Variants in MAST4 observed in about 807,000 individuals in gnomAD.
The protein encoded by MAST4 is microtubule associated serine/threonine kinase family member 4.
Under a neutral mutation model 162.7 loss-of-function variants are expected in MAST4, and 89 were observed. That is an observed-to-expected ratio of 0.55 (90% confidence interval 0.46 to 0.65). The LOEUF (loss-of-function observed/expected upper bound fraction) is 0.65. MAST4 is among the 30% of genes least tolerant of loss of function. The pLI, the probability that MAST4 is intolerant of heterozygous loss-of-function variation, is 0.00. For missense variants in MAST4, 3,153 were observed against 3,374.0 expected (o/e 0.93, Z 1.62); for synonymous variants, 1,479 against 1,361.1 (o/e 1.09, Z -1.91).
At chr5:66,954,900 C>CAA (rs538274808) in intron 4 of MAST4, among the ~76,000 whole-genome samples, 2 of 139,400 alleles carry the variant, frequency 1.4e-5, no homozygotes, top group African/African-American at 5.8e-5. Flanking sequence ...GACTCTGTCT[C>CAA]AAAAAAAAAA....
chr5:66,752,748 T>C (rs1280974156), intron 1 of MAST4, among the ~76,000 whole-genome samples: 1 of 147,094 alleles, frequency 6.8e-6, no homozygotes, highest in Non-Finnish European at 1.5e-5. Flanking sequence ...AGACAGAAAG[T>C]CAACAAGGAT....
At chr5:66,678,024 T>C (rs1748071301) in intron 1 of MAST4, among the ~76,000 whole-genome samples, 1 of 152,124 alleles carries the variant, frequency 6.6e-6, no homozygotes, top group African/African-American at 2.4e-5. Context: ...TCTATAGGAA[T>C]TGGAAGCATT....
chr5:67,017,121 C>G lies in MAST4; in HGVS notation c.675-37283C>G, dbSNP rs537595358. On this transcript the variant is annotated intron_variant, in intron 4 of 28. Transcript: ENST00000403625. ...CTGTGTTTAGAGAACGAAAAAGTAA[C>G]TGCTTTGTAATACATAAAACAATTG... Among the ~76,000 whole-genome samples, 5 of 152,272 alleles carry G rather than the reference C, an allele frequency of 3.3e-5. No homozygotes were observed. The South Asian group carries it at 6.2e-4, about 19-fold the overall frequency.
At chr5:66,917,450 C>T (rs965198180) in intron 4 of MAST4, 2 of 156,248 alleles carry the variant, frequency 1.3e-5, no homozygotes, top group African/African-American at 4.8e-5. Context: ...TTCTTTATTG[C>T]TTCTGAATTA....
chr5:67,092,699 C>G (rs1764004631), intron 6 of MAST4, among the ~76,000 whole-genome samples: 2 of 152,160 alleles, frequency 1.3e-5, no homozygotes, highest in Non-Finnish European at 2.9e-5. Context: ...TCCTAGTTCC[C>G]TAGTTATTAT....
At chr5:66,746,744 G>A (rs1362070501) in intron 1 of MAST4, among the ~76,000 whole-genome samples, 1 of 152,084 alleles carries the variant, frequency 6.6e-6, no homozygotes, top group Admixed American at 6.6e-5. Flanking sequence ...ACAACTTCAG[G>A]CATAGATCAA....
At chr5:66,673,669 T>C (rs771784362) in intron 1 of MAST4, among the ~76,000 whole-genome samples, 1 of 152,094 alleles carries the variant, frequency 6.6e-6, no homozygotes, top group South Asian at 2.1e-4. Context: ...TAATTTTTTG[T>C]ATTTTTAATA....
chr5:66,673,783 TTGCC>T (rs1747779855), intron 1 of MAST4, among the ~76,000 whole-genome samples: 1 of 152,212 alleles, frequency 6.6e-6, no homozygotes, highest in Non-Finnish European at 1.5e-5. Context: ...CCACTGCACC[TTGCC>T]TAGGCTAGAT....
chr5:67,088,826 T>G (rs1421805999), intron 5 of MAST4, among the ~76,000 whole-genome samples: 1 of 152,246 alleles, frequency 6.6e-6, no homozygotes, highest in Non-Finnish European at 1.5e-5. Context: ...GCTGTCTGTC[T>G]TAAAGTTAAT....
At chr5:67,021,109 G>A (rs1753919549) in intron 4 of MAST4, among the ~76,000 whole-genome samples, 1 of 151,990 alleles carries the variant, frequency 6.6e-6, no homozygotes, top group South Asian at 2.1e-4. Flanking sequence ...TTTCCTTTAG[G>A]CACTCTTTCA....
At chr5:66,981,432 T>C (rs747308085) in intron 4 of MAST4, among the ~76,000 whole-genome samples, 3 of 152,212 alleles carry the variant, frequency 2.0e-5, no homozygotes, top group Admixed American at 6.5e-5. Context: ...TGAGGCTCCG[T>C]CTGGGACTTA....
At chr5:66,965,979 A>G (rs974076688) in intron 4 of MAST4, among the ~76,000 whole-genome samples, 43 of 152,354 alleles carry the variant, frequency 2.8e-4, no homozygotes, top group African/African-American at 1.0e-3. Context: ...GTCTGGGAGT[A>G]GGACAATTGC....
chr5:67,014,285 G>T (rs550673846), intron 4 of MAST4, among the ~76,000 whole-genome samples: 44 of 152,310 alleles, frequency 2.9e-4, no homozygotes, highest in African/African-American at 9.9e-4. Context: ...AGTTGCCTTG[G>T]CAAGTTGAAT....
At chr5:66,694,596 C>T (rs953530319) in intron 1 of MAST4, among the ~76,000 whole-genome samples, 7 of 152,096 alleles carry the variant, frequency 4.6e-5, no homozygotes, top group African/African-American at 1.7e-4. Context: ...AAGTGATTCT[C>T]CTGCCTTAGC....
chr5:67,075,000 A>G (rs1403328302), intron 5 of MAST4, among the ~76,000 whole-genome samples: 1 of 152,142 alleles, frequency 6.6e-6, no homozygotes, highest in East Asian at 1.9e-4. Flanking sequence ...AGCGTTTTCC[A>G]ACATTAGTAG....
chr5:66,659,834 C>G lies in MAST4; in HGVS notation c.363+62816C>G, dbSNP rs541526571. 4.0e-4 allele frequency among the ~76,000 whole-genome samples: 61 copies of G among 152,304 alleles called. 1 individual carries two copies. The highest frequency in any genetic ancestry group is 3.4e-3 in the Middle Eastern group (1 of 294). On this transcript the variant is annotated intron_variant, in intron 1 of 28. Transcript: ENST00000403625. ...GTGAATAACATACTGAGGGGATGAC[C>G]TCACAAAGAGGACAAGACATTTGTT...
intron 4 of MAST4, among the ~76,000 whole-genome samples, chr5:66,907,151 A>G (rs1255466961): frequency 7.3e-6 from 1 of 136,666 alleles, no homozygotes; most frequent in Non-Finnish European, 1.6e-5. Flanking sequence ...AATAACTCTC[A>G]GCAAAGCGAG....
At chr5:67,155,465 C>T (rs187773140) in intron 26 of MAST4, among the ~76,000 whole-genome samples, 76 of 152,316 alleles carry the variant, frequency 5.0e-4, no homozygotes, top group African/African-American at 1.6e-3. Flanking sequence ...CAGGTGGAGA[C>T]GATACTTGGC....
intron 5 of MAST4, among the ~76,000 whole-genome samples, chr5:67,059,017 G>T (rs1225698644): frequency 6.6e-6 from 1 of 152,198 alleles, no homozygotes; most frequent in Non-Finnish European, 1.5e-5. Flanking sequence ...AGGGTATTAT[G>T]AGGCCAAAAT....
Sources: gnomAD v4.1 joint callset for allele counts (sites outside exome capture counted in the v4.1 genomes callset) on GRCh38, gnomAD v4.1.1 for gene constraint, MANE v1.5 for transcripts, NCBI Gene and HGNC (gene_info 2026-07-23, HGNC 2026-07-21) for gene names.